The following PPP1R7 variants were observed in gnomAD, a reference collection of about 807,000 sequenced individuals.
PPP1R7 encodes the protein protein phosphatase 1 regulatory subunit 7, also known as protein phosphatase 1 regulatory subunit 22.
A neutral mutation model predicts 45.2 loss-of-function variants in PPP1R7; 18 were observed. That is an observed-to-expected ratio of 0.40 (90% CI 0.28 to 0.59). The LOEUF (loss-of-function observed/expected upper bound fraction) is 0.59. Among genes scored for constraint, PPP1R7 ranks in the 20% least tolerant of loss-of-function variants. The probability of loss-of-function intolerance (pLI) is 0.46; values close to 1 mark genes in which losing one functional copy is unlikely to be tolerated. For synonymous variants in PPP1R7, 181 were observed against 183.4 expected, an observed-to-expected ratio of 0.99 and a Z score of 0.11; for missense variants, 314 against 455.8, an observed-to-expected ratio of 0.69 and a Z score of 2.83.
At chr2:241,150,311 G>C, upstream of PPP1R7, 2 of 1,335,508 alleles carry the variant, frequency 1.5e-6, no homozygotes, top group Non-Finnish European at 1.9e-6. Flanking sequence ...CCTGCTCTGG[G>C]GGAGGCGCGG....
intron 5 of PPP1R7, among the ~76,000 whole-genome samples, chr2:241,159,828 C>T (rs1006685816): frequency 6.6e-6 from 1 of 152,064 alleles, no homozygotes; most frequent in South Asian, 2.1e-4. Context: ...CCTAGAAGTT[C>T]GAGATAGCCT....
chr2:241,180,667 T>G (rs983295757), intron 9 of PPP1R7, among the ~76,000 whole-genome samples: 2 of 149,224 alleles, frequency 1.3e-5, no homozygotes, highest in Non-Finnish European at 2.9e-5. Flanking sequence ...GGCTCTGCAC[T>G]GGCCACACAA....
chr2:241,182,913 C>T lies in PPP1R7; in HGVS notation c.*90C>T, dbSNP rs1409716688. On this transcript the variant is annotated 3_prime_UTR_variant, in exon 10 of 10. Coordinates refer to ENST00000234038, the MANE Select transcript of PPP1R7 (RefSeq NM_002712.3). ...CCACCTGTTGCTCCTGAGGTCGTCA[C>T]TATATCAACAGTCACAAACCCAATG... The T allele has an allele frequency of 7.0e-7, 1 of 1,429,278 alleles. No homozygotes were observed. The highest frequency in any genetic ancestry group is 1.4e-5 in the African/African-American group (1 of 70,376). 88.5% of individuals were successfully genotyped at this position (1,429,278 alleles called of 1,614,324 possible).
chr2:241,159,097 G>A, intron 4 of PPP1R7, 116 bp from the exon 5 acceptor site: 1 of 1,275,056 alleles, frequency 7.8e-7, no homozygotes, highest in Non-Finnish European at 1.1e-6. Context: ...AACAGCAGGA[G>A]AATGAAGACA....
intron 2 of PPP1R7, among the ~76,000 whole-genome samples, chr2:241,154,395 T>C (rs2067398698): frequency 6.6e-6 from 1 of 151,954 alleles, no homozygotes; most frequent in East Asian, 1.9e-4. Context: ...ACTTCTAAAG[T>C]GCCTAGATGT....
At chr2:241,150,178 C>G (rs1269488726), upstream of PPP1R7, 4 of 1,279,682 alleles carry the variant, frequency 3.1e-6, no homozygotes, top group South Asian at 2.3e-5. Flanking sequence ...CGTCTCTCCA[C>G]TCTGCCTAGA....
At position 241,173,269 on chromosome 2, in the gene PPP1R7, C is replaced by CAAA. The variant is rs540011262; in HGVS notation, c.906+3424_906+3426dup. ...CTTGGGCAACAGAGCAAGACTTTCT[C>CAAA]AAAAAAAAAAAAAAAAAAAAAAAAG... On this transcript the variant is annotated intron_variant, in intron 9 of 9. Transcript: ENST00000234038. Among the ~76,000 whole-genome samples the CAAA allele has an allele frequency of 2.3e-3, 207 of 90,442 alleles. 2 individuals are homozygous for CAAA. Among genetic ancestry groups the CAAA allele is most frequent in the African/African-American group, 5.8e-3 (98 of 16,950 alleles). 59.3% of individuals were successfully genotyped at this position (90,442 alleles called of 152,430 possible).
intron 9 of PPP1R7, among the ~76,000 whole-genome samples, chr2:241,179,220 T>C (rs1281325325): frequency 5.3e-5 from 8 of 152,124 alleles, no homozygotes; most frequent in African/African-American, 1.7e-4. Flanking sequence ...GGGAAGGATG[T>C]TGAAGAAGGG....
At position 241,182,914 on chromosome 2, in the gene PPP1R7, T is replaced by A; in HGVS notation, c.*91T>A. On this transcript the variant is annotated 3_prime_UTR_variant, in exon 10 of 10. Transcript: ENST00000234038. ...CACCTGTTGCTCCTGAGGTCGTCAC[T>A]ATATCAACAGTCACAAACCCAATGG... The A allele has an allele frequency of 7.0e-7, 1 of 1,419,298 alleles. No individual in the cohort carries two copies. Among genetic ancestry groups the A allele is most frequent in the Non-Finnish European group, 9.5e-7 (1 of 1,048,230 alleles). The allele number at this position is 1,419,298 out of a possible 1,614,324, so 87.9% of individuals were successfully genotyped here.
At chr2:241,159,522 G>A (rs925072603) in intron 5 of PPP1R7, among the ~76,000 whole-genome samples, 179 bp downstream of exon 5, 2 of 152,174 alleles carry the variant, frequency 1.3e-5, no homozygotes, top group Admixed American at 1.3e-4. Context: ...GCTCCAGGAG[G>A]CCTCATCGGC....
intron 9 of PPP1R7, among the ~76,000 whole-genome samples, chr2:241,173,093 G>A (rs970730689): frequency 2.0e-5 from 3 of 151,862 alleles, no homozygotes; most frequent in African/African-American, 4.8e-5. Flanking sequence ...CCAACATGGC[G>A]AAACCCCGTC....
intron 9 of PPP1R7, among the ~76,000 whole-genome samples, chr2:241,176,527 G>A (rs1049761602): frequency 1.3e-5 from 2 of 149,154 alleles, no homozygotes; most frequent in Non-Finnish European, 3.0e-5. Flanking sequence ...GCACGATCTC[G>A]GCTCACTGCA....
chr2:241,163,180 C>T (rs867285835), intron 6 of PPP1R7, 105 bp from the exon 7 acceptor site: 13 of 703,162 alleles, frequency 1.8e-5, no homozygotes, highest in Non-Finnish European at 2.8e-5. Context: ...AGCCCCACAT[C>T]GCAGAGCTGA....
chr2:241,159,112 C>A, intron 4 of PPP1R7, 101 bp from the exon 5 acceptor site: 1 of 1,380,046 alleles, frequency 7.2e-7, no homozygotes, highest in Non-Finnish European at 1.0e-6. Flanking sequence ...AAGACATGTC[C>A]TTCTACCAGA....
rs371231290 is a variant in PPP1R7 at position 241,160,356 on chromosome 2, G to A, written c.459G>A (p.Leu153=). Residue 153 remains leucine (L), a synonymous_variant, in exon 6 of 10, where the codon CTG becomes CTA. Coordinates refer to ENST00000234038, the MANE Select transcript of PPP1R7 (RefSeq NM_002712.3). ...GGATTCTAGATATTTCTTTTAATCT[G>A]CTGAGAAACATCGAAGGGGTTGACA... is the stretch of plus-strand genomic sequence containing the variant. ...ELEILDISFN[L]LRNIEGVDKL... is the part of the protein sequence containing the mutation. 6.2e-7 allele frequency: 1 copy of A among 1,605,300 alleles called. No homozygotes were observed. The highest frequency in any genetic ancestry group is 8.5e-7 in the Non-Finnish European group (1 of 1,177,738).
upstream of PPP1R7, chr2:241,150,051 A>G: frequency 1.5e-6 from 2 of 1,364,502 alleles, no homozygotes; most frequent in Non-Finnish European, 9.4e-7. Flanking sequence ...CGCAGAGGTC[A>G]GGGATGCACG....
At chr2:241,181,050 T>C (rs931641179) in intron 9 of PPP1R7, among the ~76,000 whole-genome samples, 1 of 151,946 alleles carries the variant, frequency 6.6e-6, no homozygotes, top group African/African-American at 2.4e-5. Context: ...ATACAAAAAT[T>C]AGCCGAGCAT....
intron 9 of PPP1R7, among the ~76,000 whole-genome samples, chr2:241,180,540 T>C (rs1019375307): frequency 1.3e-5 from 2 of 152,088 alleles, no homozygotes; most frequent in African/African-American, 4.8e-5. Flanking sequence ...TTAAGGCGTG[T>C]GTGTGCATCA....
Position 241,182,658 on chromosome 2 carries a change from T to C in PPP1R7, c.918T>C (p.Asn306=). ...TELQEFWMND[N]LLESWSDLDE... is the part of the protein sequence containing the mutation. Reference sequence around the variant, plus strand: ...GTGTGTGTCCCCAGATGAACGACAATCTCCTTGAGAGCTGGAGCGACCTCG... The same window carrying C: ...GTGTGTGTCCCCAGATGAACGACAACCTCCTTGAGAGCTGGAGCGACCTCG... The change falls in exon 10 of 10, where the codon AAT becomes AAC. Residue 306 remains asparagine, a synonymous_variant. Transcript: ENST00000234038. The C allele has an allele frequency of 6.2e-7, 1 of 1,614,044 alleles. No individual in the cohort carries two copies. The highest frequency in any genetic ancestry group is 8.5e-7 in the Non-Finnish European group (1 of 1,179,992).
Sources: allele counts gnomAD v4.1 joint callset (sites outside exome capture counted in the v4.1 genomes callset), GRCh38; gene constraint gnomAD v4.1.1; transcripts MANE v1.5; gene names NCBI Gene and HGNC (gene_info 2026-07-23, HGNC 2026-07-21).